The following CCDC171 variants were observed in gnomAD, a reference collection of about 807,000 sequenced individuals.
CCDC171 encodes the protein coiled-coil domain containing 171.
Under a neutral mutation model 168.2 loss-of-function variants are expected in CCDC171, and 177 were observed. The ratio of observed to expected loss-of-function variants is 1.05; its 90% CI spans 0.93 to 1.19. The LOEUF (loss-of-function observed/expected upper bound fraction) is 1.19, where lower values mean the gene tolerates loss of function less well. Among genes scored for constraint, CCDC171 ranks in the 50% most tolerant of loss-of-function variants. The pLI, the probability that CCDC171 is intolerant of heterozygous loss-of-function variation, is 0.00. For missense variants in CCDC171, 1,991 were observed against 1,539.0 expected, an observed-to-expected ratio of 1.29 and a Z score of -4.91; for synonymous variants, 687 against 540.8, an observed-to-expected ratio of 1.27 and a Z score of -3.75.
intron 21 of CCDC171, among the ~76,000 whole-genome samples, chr9:15,794,294 G>A (rs567063450): frequency 5.6e-4 from 85 of 152,058 alleles, no homozygotes; most frequent in African/African-American, 2.0e-3. Flanking sequence ...GTGAAACCCC[G>A]TCTCTACTAA....
intron 23 of CCDC171, among the ~76,000 whole-genome samples, chr9:15,869,336 A>G (rs2061928659): frequency 6.6e-6 from 1 of 151,890 alleles, no homozygotes; most frequent in South Asian, 2.1e-4. Flanking sequence ...CCTGAATATC[A>G]TTTTCATTGC....
chr9:16,063,734 A>G (rs191529837), downstream of CCDC171, among the ~76,000 whole-genome samples: 5 of 152,328 alleles, frequency 3.3e-5, no homozygotes, highest in African/African-American at 1.2e-4. Context: ...CCCAGTTTCC[A>G]AAGACTTTCC....
At chr9:15,708,127 C>T (rs2052385828) in intron 11 of CCDC171, among the ~76,000 whole-genome samples, 1 of 151,990 alleles carries the variant, frequency 6.6e-6, no homozygotes, top group South Asian at 2.1e-4. Context: ...GGATTACAGG[C>T]ATGAGCCACT....
At chr9:15,696,169 A>G (rs2051198360) in intron 11 of CCDC171, among the ~76,000 whole-genome samples, 1 of 152,216 alleles carries the variant, frequency 6.6e-6, no homozygotes, top group African/African-American at 2.4e-5. Context: ...TTAAGAAAAC[A>G]TTTTTAAAAG....
rs139358159 is a variant in CCDC171 at position 15,793,831 on chromosome 9, C to T, written c.3267+9137C>T. Among the ~76,000 whole-genome samples, 767 of 152,044 alleles carry T rather than the reference C, an allele frequency of 5.0e-3. 9 individuals are homozygous for T. The highest frequency in any genetic ancestry group is 0.017 in the African/African-American group (718 of 41,472). On this transcript the variant is annotated intron_variant, in intron 21 of 25. Transcript: ENST00000380701. ...CAAAGTGCTGGGATTATTGATGTGA[C>T]AGATATATTAATCTTATATGCAGCC...
intron 10 of CCDC171, among the ~76,000 whole-genome samples, chr9:15,683,283 T>C (rs2050160527): frequency 6.6e-6 from 1 of 152,022 alleles, no homozygotes; most frequent in Admixed American, 6.6e-5. Flanking sequence ...ATAGTAATGA[T>C]TGCTAGCATT....
intron 3 of CCDC171, among the ~76,000 whole-genome samples, chr9:16,014,169 A>G (rs78515278): frequency 2.0e-5 from 3 of 152,246 alleles, no homozygotes; most frequent in Admixed American, 6.5e-5. Context: ...AATATTCTAA[A>G]TCTTTTGTTT....
chr9:15,715,710 T>A (rs957606784), intron 11 of CCDC171, among the ~76,000 whole-genome samples: 3 of 152,328 alleles, frequency 2.0e-5, no homozygotes, highest in Admixed American at 2.0e-4. Context: ...AAAAATGAAG[T>A]AGGTAACAAG....
chr9:15,906,654 T>G (rs1003256862), intron 24 of CCDC171, among the ~76,000 whole-genome samples: 1 of 152,000 alleles, frequency 6.6e-6, no homozygotes, highest in African/African-American at 2.4e-5. Flanking sequence ...TTCAACATAG[T>G]GTTGGAAGTT....
intron 6 of CCDC171, among the ~76,000 whole-genome samples, chr9:16,027,315 AG>A (rs1833293191): frequency 1.3e-5 from 2 of 152,080 alleles, no homozygotes; most frequent in African/African-American, 4.8e-5. Context: ...CTAGTAAAAG[AG>A]AGAGAAAGAG....
chr9:15,990,118 C>A (rs1589301895), intron 3 of CCDC171, among the ~76,000 whole-genome samples: 1 of 152,126 alleles, frequency 6.6e-6, no homozygotes, highest in Middle Eastern at 3.4e-3. Context: ...CTCCAAGACA[C>A]ATAATTGTCA....
In CCDC171 at chr9:15,799,165, T is replaced by TATATATAC. The variant is rs1323969229; in HGVS notation, c.3267+14472_3267+14473insTATATACA. On this transcript the variant is annotated intron_variant, in intron 21 of 25. Transcript: ENST00000380701. Reference sequence around the variant, plus strand: ...ATATATATATATATATATATATATATACCATTTTGATGCACACTTCCTTTA... The same window carrying TATATATAC: ...ATATATATATATATATATATATATATATATATACACCATTTTGATGCACACTTCCTTTA... Among the ~76,000 whole-genome samples the TATATATAC allele has an allele frequency of 8.5e-5, 12 of 141,206 alleles. No individual in the cohort carries two copies. The South Asian group carries it at 1.8e-3, about 21-fold the overall frequency. 92.6% of individuals were successfully genotyped at this position (141,206 alleles called of 152,430 possible).
chr9:15,963,138 A>G (rs1334085519), intron 25 of CCDC171, among the ~76,000 whole-genome samples: 2 of 152,146 alleles, frequency 1.3e-5, no homozygotes, highest in Admixed American at 1.3e-4. Context: ...CAGTGAGAAC[A>G]CATGGACACA....
chr9:16,046,575 C>A (rs189381474), intron 1 of CCDC171, among the ~76,000 whole-genome samples: 1 of 152,138 alleles, frequency 6.6e-6, no homozygotes, highest in South Asian at 2.1e-4. Flanking sequence ...AATTGTAGCT[C>A]CCATAATTCC....
chr9:15,914,455 A>T (rs572400321), intron 24 of CCDC171, among the ~76,000 whole-genome samples: 2 of 152,074 alleles, frequency 1.3e-5, no homozygotes, highest in Non-Finnish European at 2.9e-5. Flanking sequence ...GTGAGGGGAA[A>T]ACCGCCTTCT....
Position 15,830,629 on chromosome 9 carries a change from T to C in CCDC171, c.3268-16073T>C, listed in dbSNP as rs933944382. ...ATGCACCCAGAGTCTTTAACCGTAATGTCAAAAAGGAGATAGGAAAACTCT... is the reference window on the plus strand; with the variant it reads ...ATGCACCCAGAGTCTTTAACCGTAACGTCAAAAAGGAGATAGGAAAACTCT... On this transcript the variant is annotated intron_variant, in intron 21 of 25. Coordinates refer to ENST00000380701, the MANE Select transcript of CCDC171 (RefSeq NM_173550.4). Among the ~76,000 whole-genome samples the C allele has an allele frequency of 2.5e-4, 38 of 152,176 alleles. 3 individuals carry two copies. The highest frequency in any genetic ancestry group is 1.5e-5 in the Non-Finnish European group (1 of 68,018).
intron 23 of CCDC171, 112 bp downstream of exon 23, chr9:15,849,059 C>A: frequency 1.8e-6 from 1 of 554,376 alleles, no homozygotes; most frequent in Non-Finnish European, 3.1e-6. Context: ...AATAAATTAA[C>A]AAAAAGATGC....
intron 6 of CCDC171, among the ~76,000 whole-genome samples, chr9:16,025,284 A>G (rs1419355081): frequency 1.3e-5 from 2 of 152,154 alleles, no homozygotes; most frequent in African/African-American, 4.8e-5. Context: ...TCTACTAAAA[A>G]TACAAAAATT....
At chr9:16,099,164 A>C in the CCDC171 span, among the ~76,000 whole-genome samples, 1 of 152,178 alleles carries the variant, frequency 6.6e-6, no homozygotes, top group Non-Finnish European at 1.5e-5. Context: ...TAAAACATCA[A>C]TTTTTTGCTA....
Sources: gnomAD v4.1 joint callset for allele counts (sites outside exome capture counted in the v4.1 genomes callset) on GRCh38, gnomAD v4.1.1 for gene constraint, MANE v1.5 for transcripts, NCBI Gene and HGNC (gene_info 2026-07-23, HGNC 2026-07-21) for gene names.